NAV2: variants seen among roughly 807,000 people sequenced by gnomAD.
The protein encoded by NAV2 is helicase, APC down-regulated 1.
A neutral mutation model predicts 223.2 loss-of-function variants in NAV2; 54 were observed. The ratio of observed to expected loss-of-function variants is 0.24; its 90% CI spans 0.19 to 0.30. The LOEUF is 0.30. NAV2 is among the 10% of genes least tolerant of loss of function. NAV2 has a pLI of 1.00. For synonymous variants in NAV2, 1,279 were observed against 1,239.3 expected (o/e 1.03, Z -0.67); for missense variants, 2,806 against 3,147.5 (o/e 0.89, Z 2.60).
chr11:19,741,402 A>C (rs543946854), intron 1 of NAV2, among the ~76,000 whole-genome samples: 1 of 151,272 alleles, frequency 6.6e-6, no homozygotes, highest in South Asian at 2.1e-4. Context: ...CCTTTGTTCT[A>C]TATCTCCCCA....
rs1445275013 is a variant in NAV2, at chr11:19,998,929, A to C, written c.2768+14682A>C. Reference sequence around the variant, plus strand: ...TCTTTCCCACTAGACTATCAGTATCAATAAGACAGAAACCAGGTCAGCTCC... The same window carrying C: ...TCTTTCCCACTAGACTATCAGTATCCATAAGACAGAAACCAGGTCAGCTCC... On this transcript the variant is annotated intron_variant, in intron 11 of 37. Coordinates refer to ENST00000349880, the MANE Select transcript of NAV2 (RefSeq NM_145117.5). This position sits in a 1 kb window ranked among gnomAD's most constrained non-coding sequence, Gnocchi z 5.0. Among the ~76,000 whole-genome samples the C allele has an allele frequency of 6.6e-6, 1 of 152,216 alleles. No homozygotes were observed. The highest frequency in any genetic ancestry group is 1.5e-5 in the Non-Finnish European group (1 of 68,046).
chr11:19,752,050 C>T (rs569012813), intron 1 of NAV2, among the ~76,000 whole-genome samples: 1 of 152,150 alleles, frequency 6.6e-6, no homozygotes, highest in African/African-American at 2.4e-5. Context: ...TGAAAATAGG[C>T]CAACAGTCAT....
At chr11:19,393,547 T>C (rs962976356) in intron 1 of NAV2, among the ~76,000 whole-genome samples, 4 of 152,262 alleles carry the variant, frequency 2.6e-5, no homozygotes, top group African/African-American at 9.6e-5. Flanking sequence ...TATGAAATTA[T>C]ATGTGTGACA....
At position 20,073,534 on chromosome 11, in the gene NAV2, G is replaced by C. The variant is rs531633268; in HGVS notation, c.4984-4018G>C. The stretch of plus-strand genomic sequence containing the variant: ...GGTACTAGATCCTCTTTGTACCTCT[G>C]GTAAAATTTGGATGTGAATCCATCT... On this transcript the variant is annotated intron_variant, in intron 22 of 37. Coordinates refer to ENST00000349880, the MANE Select transcript of NAV2 (RefSeq NM_145117.5). 7.4e-4 allele frequency among the ~76,000 whole-genome samples: 113 copies of C among 152,236 alleles called. 1 individual carries two copies. The highest frequency in any genetic ancestry group is 2.6e-3 in the African/African-American group (109 of 41,548).
intron 1 of NAV2, among the ~76,000 whole-genome samples, chr11:19,499,736 C>T (rs1369281574): frequency 6.6e-6 from 1 of 152,202 alleles, no homozygotes; most frequent in East Asian, 1.9e-4. Flanking sequence ...TCCTCAGTGC[C>T]TGGCCCAGGC....
intron 6 of NAV2, among the ~76,000 whole-genome samples, chr11:19,897,903 T>TATATATATATATATATATATATATAC (rs927166131): frequency 6.8e-6 from 1 of 147,524 alleles, no homozygotes; most frequent in African/African-American, 2.6e-5. Flanking sequence ...TATATATATA[T>TATATATATATATATATATATATATAC]ATGTGAGCAG....
chr11:19,825,068 G>A lies in NAV2; in HGVS notation c.268-7416G>A, dbSNP rs574608159. ...AGCACTTTGGGAGGCTGAGGAGGGC[G>A]ATCACTTGAGGCCAGGAGTTTGAGA... is the stretch of plus-strand genomic sequence containing the variant. On this transcript the variant is annotated intron_variant, in intron 1 of 37. Coordinates refer to ENST00000349880, the MANE Select transcript of NAV2 (RefSeq NM_145117.5). Among the ~76,000 whole-genome samples, 6 of 152,096 alleles carry A rather than the reference G, an allele frequency of 3.9e-5. 1 individual carries two copies. In the South Asian group the frequency reaches 8.3e-4, roughly 21 times the overall value.
intron 6 of NAV2, among the ~76,000 whole-genome samples, chr11:19,895,429 G>A (rs1386894367): frequency 6.6e-6 from 1 of 152,110 alleles, no homozygotes; most frequent in Non-Finnish European, 1.5e-5. Flanking sequence ...GGTAAATACT[G>A]TTAACTCAAT....
chr11:19,700,729 A>G (rs1293301067), intron 1 of NAV2, among the ~76,000 whole-genome samples: 2 of 152,292 alleles, frequency 1.3e-5, no homozygotes, highest in East Asian at 3.9e-4. Flanking sequence ...AAACATCTAA[A>G]GGGGTCTAAG....
At chr11:19,684,196 T>C (rs1200374527) in intron 1 of NAV2, among the ~76,000 whole-genome samples, 1 of 152,230 alleles carries the variant, frequency 6.6e-6, no homozygotes, top group Non-Finnish European at 1.5e-5. Context: ...ATATAAAATG[T>C]CTGTTCCTGA....
intron 1 of NAV2, among the ~76,000 whole-genome samples, chr11:19,552,866 A>G (rs1188272558): frequency 1.6e-5 from 2 of 122,216 alleles, no homozygotes; most frequent in Non-Finnish European, 3.2e-5. Flanking sequence ...TTAACATTGC[A>G]TTGTGAGAGA....
intron 1 of NAV2, among the ~76,000 whole-genome samples, chr11:19,816,433 T>C (rs1047182448): frequency 2.0e-5 from 3 of 152,252 alleles, no homozygotes; most frequent in African/African-American, 7.2e-5. Flanking sequence ...TCAGATCTTC[T>C]CTAGTCCCTC....
intron 1 of NAV2, among the ~76,000 whole-genome samples, chr11:19,427,297 A>T (rs181214527): frequency 2.4e-4 from 37 of 152,354 alleles, no homozygotes; most frequent in African/African-American, 8.2e-4. Context: ...ATAAAGCTCT[A>T]TGCAGCTCCT....
At chr11:19,657,038 A>G (rs1216525133) in intron 1 of NAV2, among the ~76,000 whole-genome samples, 1 of 152,188 alleles carries the variant, frequency 6.6e-6, no homozygotes, top group East Asian at 1.9e-4. Flanking sequence ...ATTGTAATGC[A>G]TTTGAGATGT....
intron 1 of NAV2, among the ~76,000 whole-genome samples, chr11:19,624,552 G>A (rs1250830915): frequency 2.0e-5 from 3 of 152,234 alleles, no homozygotes; most frequent in East Asian, 1.9e-4. Flanking sequence ...GACCCTCTGA[G>A]CCAGGAGTGG....
intron 1 of NAV2, among the ~76,000 whole-genome samples, chr11:19,745,648 A>T (rs1345581442): frequency 6.6e-6 from 1 of 152,174 alleles, no homozygotes; most frequent in African/African-American, 2.4e-5. Flanking sequence ...CCATGGACAG[A>T]GATGCAGGAT....
At chr11:19,889,997 A>G (rs553180614) in intron 5 of NAV2, among the ~76,000 whole-genome samples, 5 of 152,312 alleles carry the variant, frequency 3.3e-5, no homozygotes, top group African/African-American at 9.6e-5. Context: ...CTTGTGCCAT[A>G]GCATGTTTCT....
intron 6 of NAV2, among the ~76,000 whole-genome samples, chr11:19,897,703 A>AG (rs2042100196): frequency 6.6e-6 from 1 of 152,076 alleles, no homozygotes; most frequent in South Asian, 2.1e-4. Flanking sequence ...ATAACCTACT[A>AG]GTTTTCCCAA....
intron 1 of NAV2, among the ~76,000 whole-genome samples, chr11:19,477,227 C>T (rs1176103780): frequency 6.6e-6 from 1 of 152,132 alleles, no homozygotes; most frequent in African/African-American, 2.4e-5. Context: ...AAATGCAAAC[C>T]CTATAAAACC....
Sources: gnomAD v4.1 joint callset for allele counts (sites outside exome capture counted in the v4.1 genomes callset) on GRCh38, gnomAD v4.1.1 for gene constraint, Gnocchi (gnomAD v3.1) non-coding constraint, MANE v1.5 for transcripts, NCBI Gene and HGNC (gene_info 2026-07-23, HGNC 2026-07-21) for gene names.